Variants in CTSC observed in about 807,000 individuals in gnomAD.
CTSC encodes dipeptidyl peptidase 1.
A neutral mutation model predicts 40.9 loss-of-function variants in CTSC; 37 were observed. That is an observed-to-expected ratio of 0.91 (90% confidence interval 0.70 to 1.19). The LOEUF (loss-of-function observed/expected upper bound fraction) is 1.19. Among genes scored for constraint, CTSC ranks in the 50% most tolerant of loss-of-function variants. The pLI is 0.00. For missense variants in CTSC, 594 were observed against 567.3 expected (o/e 1.05, Z -0.48); for synonymous variants, 232 against 207.4 (o/e 1.12, Z -1.02).
chr11:88,297,314 T>C (rs1944309532), intron 5 of CTSC: 1 of 152,270 alleles, frequency 6.6e-6, no homozygotes, highest in Admixed American at 6.5e-5. Context: ...CATTGTACAT[T>C]GTACACTGAA....
intron 4 of CTSC, among the ~76,000 whole-genome samples, chr11:88,301,517 C>G (rs1944360462): frequency 6.6e-6 from 1 of 152,028 alleles, no homozygotes. Context: ...CTTTCCTTGC[C>G]TCATTTGTGA....
rs759558247 is a variant in CTSC at position 88,296,188 on chromosome 11, A to G, written c.834T>C (p.Ser278=). The stretch of plus-strand genomic sequence containing the variant: ...CCTGAGGGCTTAGGATTGGGGTCTG[A>G]GAATTGTTGGTTAGTATACGGATTC... The part of the protein sequence containing the change: ...EARIRILTNN[S]QTPILSPQEV... The change falls in exon 6 of 7, where the codon TCT becomes TCC. Residue 278 remains serine, a synonymous_variant. Transcript: ENST00000227266. 6.2e-7 allele frequency: 1 copy of G among 1,614,088 alleles called. No individual in the cohort carries two copies. The highest frequency in any genetic ancestry group is 8.5e-7 in the Non-Finnish European group (1 of 1,179,974).
At chr11:88,301,266 C>A (rs994050844) in intron 4 of CTSC, among the ~76,000 whole-genome samples, 1 of 152,092 alleles carries the variant, frequency 6.6e-6, no homozygotes, top group Non-Finnish European at 1.5e-5. Context: ...GGGCCACAAC[C>A]CCCAGGAGTA....
At chr11:88,297,232 C>A (rs866935705) in intron 5 of CTSC, 1 of 152,188 alleles carries the variant, frequency 6.6e-6, no homozygotes, top group East Asian at 1.9e-4. Context: ...TAGCTTATAT[C>A]TTTTGTTTTC....
chr11:88,335,985 G>A lies in CTSC; in HGVS notation c.173-903C>T, dbSNP rs147571581. On this transcript the variant is annotated intron_variant, in intron 1 of 6. Transcript: ENST00000227266. The stretch of plus-strand genomic sequence containing the variant: ...TCTGTATCCTATAAAACCAATTAGT[G>A]CTGATAGGAATGATACGTTTAACCT... 1.0e-3 allele frequency among the ~76,000 whole-genome samples: 154 copies of A among 152,220 alleles called. 2 individuals carry two copies. Among genetic ancestry groups the A allele is most frequent in the African/African-American group, 3.5e-3 (144 of 41,534 alleles).
At chr11:88,325,334 CTAA>C in intron 2 of CTSC, 1 of 985,364 alleles carries the variant, frequency 1.0e-6, no homozygotes, top group Non-Finnish European at 1.2e-6. Flanking sequence ...AGTCAGTAGC[CTAA>C]TAGCTAAGGA....
chr11:88,311,729 G>T (rs1937762209), intron 3 of CTSC, among the ~76,000 whole-genome samples: 1 of 152,118 alleles, frequency 6.6e-6, no homozygotes, highest in Non-Finnish European at 1.5e-5. Context: ...ATATGGGTGG[G>T]CCCCAATCCA....
rs143169677 is a variant in CTSC, at chr11:88,313,567, C to T, written c.319-1013G>A. On this transcript the variant is annotated intron_variant, in intron 2 of 6. Coordinates refer to ENST00000227266, the MANE Select transcript of CTSC (RefSeq NM_001814.6). ...AACTAAGATGCTCTGGCTCCAGAGCCTAGTCACCCTCATGTTAGAACATCT... is the reference window on the plus strand; with the variant it reads ...AACTAAGATGCTCTGGCTCCAGAGCTTAGTCACCCTCATGTTAGAACATCT... 5.4e-3 allele frequency among the ~76,000 whole-genome samples: 826 copies of T among 152,124 alleles called. 5 individuals carry two copies. Among genetic ancestry groups the T allele is most frequent in the South Asian group, 0.022 (108 of 4,810 alleles).
At chr11:88,296,425 C>T in intron 5 of CTSC, 161 bp from the exon 6 acceptor site, 3 of 782,292 alleles carry the variant, frequency 3.8e-6, no homozygotes, top group Admixed American at 4.5e-5. Flanking sequence ...CATTGTTGAG[C>T]TTATTAAGGC....
chr11:88,326,591 C>T, intron 2 of CTSC: 1 of 659,076 alleles, frequency 1.5e-6, no homozygotes, highest in South Asian at 1.8e-5. Flanking sequence ...AATGTTAAGA[C>T]ATTCACAGGA....
At chr11:88,294,935 C>T (rs1206429378) in intron 6 of CTSC, among the ~76,000 whole-genome samples, 1 of 152,132 alleles carries the variant, frequency 6.6e-6, no homozygotes, top group East Asian at 1.9e-4. Flanking sequence ...GCAGCCAGAC[C>T]CCACAACTTG....
At chr11:88,331,727 CTGTT>C (rs1470168227) in intron 2 of CTSC, among the ~76,000 whole-genome samples, 2 of 152,158 alleles carry the variant, frequency 1.3e-5, no homozygotes, top group African/African-American at 4.8e-5. Flanking sequence ...CAAGGCCTGT[CTGTT>C]CAGATTCTTC....
In CTSC at chr11:88,336,285, A is replaced by T. The variant is rs567777777; in HGVS notation, c.173-1203T>A. On this transcript the variant is annotated intron_variant, in intron 1 of 6. Coordinates refer to ENST00000227266, the MANE Select transcript of CTSC (RefSeq NM_001814.6). ...GCCAGGCGTGGTGACTCCCGCCTGT[A>T]ATCCCAGTACTTTGGGAGGCCGAGG... 8.6e-5 allele frequency among the ~76,000 whole-genome samples: 13 copies of T among 151,180 alleles called. No individual in the cohort carries two copies. In the East Asian group the frequency reaches 2.3e-3, roughly 27 times the overall value.
chr11:88,298,927 A>G (rs1293483556), intron 5 of CTSC: 2 of 152,182 alleles, frequency 1.3e-5, no homozygotes, highest in Non-Finnish European at 2.9e-5. Context: ...AGGGTTTGCT[A>G]AACTCTTCTA....
At chr11:88,306,110 A>C (rs1395111310) in intron 4 of CTSC, among the ~76,000 whole-genome samples, 1 of 152,224 alleles carries the variant, frequency 6.6e-6, no homozygotes, top group African/African-American at 2.4e-5. Context: ...CATTTCACAG[A>C]CAAGAAATTC....
At chr11:88,330,917 T>C (rs1388794559) in intron 2 of CTSC, among the ~76,000 whole-genome samples, 2 of 152,188 alleles carry the variant, frequency 1.3e-5, no homozygotes, top group South Asian at 2.1e-4. Flanking sequence ...TTTCTAGCAA[T>C]AGGAGCTATT....
At chr11:88,306,987 G>T (rs761016354) in intron 4 of CTSC, among the ~76,000 whole-genome samples, 1 of 152,222 alleles carries the variant, frequency 6.6e-6, no homozygotes, top group South Asian at 2.1e-4. Context: ...CTAGGGGTTT[G>T]GGTGGTAGGG....
chr11:88,298,122 T>G (rs2134768143), intron 5 of CTSC: 1 of 152,350 alleles, frequency 6.6e-6, no homozygotes, highest in South Asian at 2.1e-4. Flanking sequence ...GTTTAAGGTC[T>G]CTGCCTTCCT....
chr11:88,325,998 A>C (rs1225191216), intron 2 of CTSC: 1 of 1,018,572 alleles, frequency 9.8e-7, no homozygotes, highest in Admixed American at 5.3e-5. Context: ...TACGCTGTGA[A>C]TAAAACAAAA....
Sources: gnomAD v4.1 joint callset for allele counts (sites outside exome capture counted in the v4.1 genomes callset) on GRCh38, gnomAD v4.1.1 for gene constraint, MANE v1.5 for transcripts, NCBI Gene and HGNC (gene_info 2026-07-23, HGNC 2026-07-21) for gene names.